Variants in TMEM243 observed in about 807,000 individuals in gnomAD.
The protein encoded by TMEM243 is MDR1 and mitochondrial taxol resistance associated.
A neutral mutation model predicts 15.0 loss-of-function variants in TMEM243; 20 were observed. The observed-to-expected ratio is 1.33, with a 90% CI of 0.94 to 1.93. The LOEUF is 1.93. TMEM243 is among the 30% of genes most tolerant of loss of function. TMEM243 has a pLI of 0.00. For synonymous variants in TMEM243, 72 were observed against 52.7 expected (o/e 1.37, Z -1.59); for missense variants, 156 against 142.1 (o/e 1.10, Z -0.50).
rs1801997525 is a variant in TMEM243, at chr7:87,203,767, T to C, written c.79-4710A>G. Among the ~76,000 whole-genome samples the C allele has an allele frequency of 2.0e-5, 3 of 152,140 alleles. No individual in the cohort carries two copies. The East Asian group carries it at 5.8e-4, about 29-fold the overall frequency. The stretch of plus-strand genomic sequence containing the variant: ...GATAGAGTCAAAATTCTCCTGGCTC[T>C]AAAAAGAATTTGTCCCATGGGTCAG... On this transcript the variant is annotated intron_variant, in intron 1 of 3. Coordinates refer to ENST00000257637, the MANE Select transcript of TMEM243 (RefSeq NM_024315.4).
chr7:87,204,009 AAG>A (rs1270386772), intron 1 of TMEM243, among the ~76,000 whole-genome samples: 3 of 152,192 alleles, frequency 2.0e-5, no homozygotes, highest in Admixed American at 1.3e-4. Context: ...TGTAAAGAAA[AAG>A]AGATTTAATG....
intron 1 of TMEM243, among the ~76,000 whole-genome samples, chr7:87,211,923 G>A (rs1310266285): frequency 6.6e-6 from 1 of 152,212 alleles, no homozygotes; most frequent in African/African-American, 2.4e-5. Flanking sequence ...GAACAGTGCC[G>A]AGAGCACGGG....
intron 1 of TMEM243, 50 bp downstream of exon 1, chr7:87,219,376 G>A (rs759337036): frequency 5.0e-5 from 79 of 1,577,680 alleles, no homozygotes; most frequent in Non-Finnish European, 6.7e-5. Flanking sequence ...CCAGAGGGCA[G>A]GCAGCAGACA....
chr7:87,218,908 C>T (rs1005171385), intron 1 of TMEM243, among the ~76,000 whole-genome samples: 1 of 152,052 alleles, frequency 6.6e-6, no homozygotes, highest in Non-Finnish European at 1.5e-5. Flanking sequence ...GTTCAGGGAC[C>T]CCTTGATCAC....
chr7:87,196,684 G>A lies in TMEM243; in HGVS notation c.309C>T (p.Ile103=). 2 of 1,610,290 alleles carry A rather than the reference G, an allele frequency of 1.2e-6. No homozygotes were observed. The highest frequency in any genetic ancestry group is 4.5e-5 in the East Asian group (2 of 44,740). Residue 103 remains isoleucine, a synonymous_variant, in exon 4 of 4, where the codon ATC becomes ATT. Transcript: ENST00000257637. ...ACAGGTTTGCACATATACACAACAT[G>A]ATGATAGAAAATATGATATAGTAAA... is the stretch of plus-strand genomic sequence containing the variant. ...KLIYYIIFSI[I]MLCICANLYF...
At chr7:87,219,767 CG>C (rs1414420966), upstream of TMEM243, 1 of 489,326 alleles carries the variant, frequency 2.0e-6, no homozygotes, top group Non-Finnish European at 3.6e-6. Flanking sequence ...AGACTCTCAG[CG>C]GGACGCCCCC....
intron 1 of TMEM243, among the ~76,000 whole-genome samples, chr7:87,214,459 T>A (rs1802968835): frequency 6.6e-6 from 1 of 152,176 alleles, no homozygotes; most frequent in Non-Finnish European, 1.5e-5. Flanking sequence ...TTGAACCATG[T>A]TTCCCAAAGT....
At chr7:87,205,417 C>CA (rs1802141209) in intron 1 of TMEM243, among the ~76,000 whole-genome samples, 1 of 151,358 alleles carries the variant, frequency 6.6e-6, no homozygotes, top group Non-Finnish European at 1.5e-5. Context: ...ATTGTACTGT[C>CA]AGGCTGCAAA....
chr7:87,208,202 A>G (rs1281720551), intron 1 of TMEM243, among the ~76,000 whole-genome samples: 1 of 152,244 alleles, frequency 6.6e-6, no homozygotes, highest in Non-Finnish European at 1.5e-5. Flanking sequence ...TTAACTCAAA[A>G]GTCCACAGTC....
At chr7:87,214,070 G>A (rs1802945430) in intron 1 of TMEM243, among the ~76,000 whole-genome samples, 1 of 152,178 alleles carries the variant, frequency 6.6e-6, no homozygotes, top group South Asian at 2.1e-4. Flanking sequence ...TTAGAAACTC[G>A]TTTGCACTAC....
chr7:87,210,438 T>C lies in TMEM243; in HGVS notation c.78+8988A>G, dbSNP rs137916488. Among the ~76,000 whole-genome samples the C allele has an allele frequency of 2.4e-3, 363 of 152,266 alleles. 2 individuals carry two copies. The highest frequency in any genetic ancestry group is 0.01 in the Middle Eastern group (3 of 294). On this transcript the variant is annotated intron_variant, in intron 1 of 3. Coordinates refer to ENST00000257637, the MANE Select transcript of TMEM243 (RefSeq NM_024315.4). ...CTCATCTGAGACAAGGCAAGTCCCTTCCACCTATGAGCCTGTAAAATCAAA... is the reference window on the plus strand; with the variant it reads ...CTCATCTGAGACAAGGCAAGTCCCTCCCACCTATGAGCCTGTAAAATCAAA...
intron 1 of TMEM243, among the ~76,000 whole-genome samples, chr7:87,213,299 G>A (rs1802889018): frequency 6.6e-6 from 1 of 152,154 alleles, no homozygotes; most frequent in African/African-American, 2.4e-5. Context: ...GAGTACTAAA[G>A]AAAAAGTGAT....
chr7:87,200,602 C>G (rs1219282746), intron 1 of TMEM243, among the ~76,000 whole-genome samples: 2 of 152,082 alleles, frequency 1.3e-5, no homozygotes, highest in African/African-American at 4.8e-5. Flanking sequence ...AGTTGCCTAC[C>G]AGGATCAAAG....
chr7:87,215,072 C>T (rs773708304), intron 1 of TMEM243, among the ~76,000 whole-genome samples: 9 of 152,176 alleles, frequency 5.9e-5, no homozygotes, highest in Non-Finnish European at 1.2e-4. Context: ...AACTGAGCAT[C>T]TGAAACATGG....
chr7:87,198,111 G>A (rs1801495675), intron 2 of TMEM243, 66 bp from the exon 3 acceptor site: 1 of 1,365,718 alleles, frequency 7.3e-7, no homozygotes, highest in Non-Finnish European at 1.0e-6. Flanking sequence ...ACCAACTGGA[G>A]TCTAGGCAAC....
chr7:87,209,590 GAGAC>G (rs1562884588), intron 1 of TMEM243, among the ~76,000 whole-genome samples: 1 of 146,440 alleles, frequency 6.8e-6, no homozygotes, highest in Non-Finnish European at 1.5e-5. Context: ...GAGAGACAGT[GAGAC>G]AGTGAGAGAG....
At chr7:87,211,955 T>G (rs1802782843) in intron 1 of TMEM243, among the ~76,000 whole-genome samples, 1 of 152,224 alleles carries the variant, frequency 6.6e-6, no homozygotes, top group South Asian at 2.1e-4. Context: ...AAAGCATTTA[T>G]GAGAATTTGG....
intron 1 of TMEM243, among the ~76,000 whole-genome samples, chr7:87,209,689 A>AGACACAGTGAGAGCGAGACAGT (rs1237661489): frequency 4.9e-5 from 3 of 61,392 alleles, no homozygotes; most frequent in Non-Finnish European, 1.1e-4. Flanking sequence ...AGACACAGCG[A>AGACACAGTGAGAGCGAGACAGT]GAGAGCGAGA....
At chr7:87,206,069 T>C (rs1007348417) in intron 1 of TMEM243, among the ~76,000 whole-genome samples, 27 of 151,808 alleles carry the variant, frequency 1.8e-4, no homozygotes, top group African/African-American at 6.3e-4. Flanking sequence ...AGAGAGAAAA[T>C]GAGAGCCAAG....
Sources: allele counts gnomAD v4.1 joint callset (sites outside exome capture counted in the v4.1 genomes callset), GRCh38; gene constraint gnomAD v4.1.1; transcripts MANE v1.5; gene names NCBI Gene and HGNC (gene_info 2026-07-23, HGNC 2026-07-21).